The following MAP3K20 variants were observed in gnomAD, a reference collection of about 807,000 sequenced individuals.
The protein encoded by MAP3K20 is mitogen-activated protein kinase kinase kinase 20.
In MAP3K20, 40 loss-of-function variants were observed where a neutral mutation model predicts 85.7. The observed-to-expected ratio is 0.47, with a 90% CI of 0.36 to 0.61. The LOEUF (loss-of-function observed/expected upper bound fraction) is 0.61. MAP3K20 is among the 20% of genes least tolerant of loss of function. MAP3K20 has a pLI of 0.00. For synonymous variants in MAP3K20, 325 were observed against 327.7 expected (o/e 0.99, Z 0.09); for missense variants, 817 against 961.7 (o/e 0.85, Z 1.99).
intron 16 of MAP3K20, among the ~76,000 whole-genome samples, chr2:173,239,820 C>A (rs2106337960): frequency 6.6e-6 from 1 of 152,260 alleles, no homozygotes; most frequent in East Asian, 1.9e-4. Context: ...CCTGCTGATT[C>A]ATAAGAGAAA....
At chr2:173,199,309 T>A (rs1380251472) in intron 8 of MAP3K20, among the ~76,000 whole-genome samples, 2 of 152,202 alleles carry the variant, frequency 1.3e-5, no homozygotes, top group African/African-American at 4.8e-5. Context: ...ATGTTGATGA[T>A]AGCTGAAACT....
At chr2:173,230,293 G>T (rs926782922) in intron 12 of MAP3K20, among the ~76,000 whole-genome samples, 16 of 152,096 alleles carry the variant, frequency 1.1e-4, no homozygotes, top group East Asian at 5.8e-4. Flanking sequence ...GTGGCAGCTC[G>T]GGAAAACAAA....
At chr2:173,123,847 T>C (rs1688367247) in intron 2 of MAP3K20, among the ~76,000 whole-genome samples, 1 of 152,134 alleles carries the variant, frequency 6.6e-6, no homozygotes. Flanking sequence ...TTAGAGCTAG[T>C]GTGGAAGCTC....
rs111401521 is a variant in MAP3K20, at chr2:173,076,022, C to T, written c.-35+20C>T. 587,896 of 983,760 alleles carry T rather than the reference C, an allele frequency of 0.6. 178,972 individuals are homozygous for T. Among genetic ancestry groups the T allele is most frequent in the East Asian group, 0.89 (7,685 of 8,678 alleles). The allele number at this position is 983,760 out of a possible 1,614,324, so 60.9% of individuals were successfully genotyped here. On this transcript the variant is annotated intron_variant, in intron 1 of 19. Coordinates refer to ENST00000375213, the MANE Select transcript of MAP3K20 (RefSeq NM_016653.3). The stretch of plus-strand genomic sequence containing the variant: ...AGCCAGGTAGGGGTCAGGCTGGAGC[C>T]CGCGGAGGGCGGGGAGGGAGGGGGC...
At chr2:173,200,296 T>G (rs781707677) in intron 8 of MAP3K20, among the ~76,000 whole-genome samples, 12 of 152,204 alleles carry the variant, frequency 7.9e-5, no homozygotes, top group Non-Finnish European at 2.9e-5. Context: ...CAAAATAAAT[T>G]CTGTTGACAT....
At chr2:173,169,945 T>A in intron 3 of MAP3K20, 53 bp downstream of exon 3, 1 of 1,504,264 alleles carries the variant, frequency 6.6e-7, no homozygotes, top group Non-Finnish European at 9.2e-7. Context: ...AGCTTTAGAT[T>A]CCTTAATATG....
intron 16 of MAP3K20, among the ~76,000 whole-genome samples, chr2:173,241,792 G>T (rs192090785): frequency 6.6e-6 from 1 of 151,710 alleles, no homozygotes; most frequent in Non-Finnish European, 1.5e-5. Context: ...CCCTTGTTTC[G>T]GCCACAGACT....
chr2:173,092,204 T>C (rs1045146180), intron 2 of MAP3K20, among the ~76,000 whole-genome samples: 11 of 152,206 alleles, frequency 7.2e-5, no homozygotes, highest in Admixed American at 5.9e-4. Flanking sequence ...TGAAGCCAGG[T>C]TAGAAGGACT....
rs189397843 is a variant in MAP3K20, at chr2:173,266,334, A to G, written c.1987A>G (p.Asn663Asp). The G allele has an allele frequency of 1.9e-6, 3 of 1,614,160 alleles. No homozygotes were observed. Among genetic ancestry groups the G allele is most frequent in the African/African-American group, 2.7e-5 (2 of 75,028 alleles). ...NSRDSGFSSG[N>D]TDTSSERGRY... Reference sequence around the variant, plus strand: ...TAGGGACAGTGGCTTTTCCAGTGGCAATACTGACACCTCTTCAGAGAGGGG... The same window carrying G: ...TAGGGACAGTGGCTTTTCCAGTGGCGATACTGACACCTCTTCAGAGAGGGG... The change falls in exon 20 of 20, where the codon AAT (asparagine) becomes GAT (aspartate). Residue 663 changes from asparagine to aspartate, a missense_variant. Coordinates refer to ENST00000375213, the MANE Select transcript of MAP3K20 (RefSeq NM_016653.3).
chr2:173,153,612 T>G (rs1313150053), intron 2 of MAP3K20, among the ~76,000 whole-genome samples: 4 of 152,236 alleles, frequency 2.6e-5, no homozygotes, highest in Non-Finnish European at 5.9e-5. Flanking sequence ...GTAGTGATTC[T>G]TTTACCTCTG....
At chr2:173,089,508 C>T (rs1449586767) in intron 1 of MAP3K20, among the ~76,000 whole-genome samples, 1 of 152,016 alleles carries the variant, frequency 6.6e-6, no homozygotes, top group Non-Finnish European at 1.5e-5. Flanking sequence ...TTAGATTTCT[C>T]TAATATCCCA....
At chr2:173,153,991 T>C (rs757546214) in intron 2 of MAP3K20, among the ~76,000 whole-genome samples, 2 of 152,116 alleles carry the variant, frequency 1.3e-5, no homozygotes, top group Non-Finnish European at 2.9e-5. Flanking sequence ...CTGTTTGTTT[T>C]CTTGCTTTTT....
At chr2:173,135,928 A>G (rs1688787129) in intron 2 of MAP3K20, among the ~76,000 whole-genome samples, 1 of 152,234 alleles carries the variant, frequency 6.6e-6, no homozygotes, top group African/African-American at 2.4e-5. Flanking sequence ...TGTAGCATAT[A>G]GATTATTAGA....
intron 3 of MAP3K20, among the ~76,000 whole-genome samples, chr2:173,174,801 C>T (rs1338707153): frequency 2.0e-5 from 3 of 152,124 alleles, no homozygotes; most frequent in Admixed American, 1.3e-4. Flanking sequence ...ACATGGTTTT[C>T]GGAGTACAAT....
intron 11 of MAP3K20, chr2:173,222,488 G>A: frequency 1.0e-6 from 1 of 985,828 alleles, no homozygotes. Flanking sequence ...GGCTGTGCTT[G>A]TGCTTTATAC....
At chr2:173,192,644 T>A (rs530894559) in intron 7 of MAP3K20, among the ~76,000 whole-genome samples, 1 of 152,360 alleles carries the variant, frequency 6.6e-6, no homozygotes, top group South Asian at 2.1e-4. Flanking sequence ...TGGTCTCCTA[T>A]GTCAAATGTT....
chr2:173,219,614 C>G (rs1438262853), intron 11 of MAP3K20, among the ~76,000 whole-genome samples: 2 of 152,126 alleles, frequency 1.3e-5, no homozygotes, highest in Non-Finnish European at 2.9e-5. Context: ...CATCCTGTTT[C>G]CAATGTTTAA....
At chr2:173,144,293 C>T (rs1249405220) in intron 2 of MAP3K20, among the ~76,000 whole-genome samples, 1 of 151,734 alleles carries the variant, frequency 6.6e-6, no homozygotes, top group Non-Finnish European at 1.5e-5. Context: ...GAAACCCCAT[C>T]TCTACTAAAA....
intron 12 of MAP3K20, among the ~76,000 whole-genome samples, chr2:173,231,625 C>T (rs1413553907): frequency 6.6e-6 from 1 of 152,186 alleles, no homozygotes; most frequent in East Asian, 1.9e-4. Context: ...GGCCTCCCAT[C>T]CTTCTCTCCT....
Sources: allele counts gnomAD v4.1 joint callset (sites outside exome capture counted in the v4.1 genomes callset), GRCh38; gene constraint gnomAD v4.1.1; transcripts MANE v1.5; gene names NCBI Gene and HGNC (gene_info 2026-07-23, HGNC 2026-07-21).